Variants in ALG5 observed in about 807,000 individuals in gnomAD.
ALG5 encodes dolichyl-phosphate beta-glucosyltransferase.
Under a neutral mutation model 51.8 loss-of-function variants are expected in ALG5, and 26 were observed. The observed-to-expected ratio is 0.50, with a 90% CI of 0.37 to 0.70. ALG5 has a LOEUF of 0.70. ALG5 is among the 30% of genes least tolerant of loss of function. ALG5 has a pLI of 0.00. For synonymous variants in ALG5, 141 were observed against 136.1 expected (o/e 1.04, Z -0.25); for missense variants, 311 against 399.3 (o/e 0.78, Z 1.88).
intron 8 of ALG5, among the ~76,000 whole-genome samples, chr13:36,954,403 C>G (rs1031541067): frequency 9.9e-5 from 15 of 152,212 alleles, no homozygotes; most frequent in African/African-American, 3.1e-4. Flanking sequence ...TTATGTATCC[C>G]AGGTCTTGAA....
chr13:36,973,124 G>C (rs1368856578), intron 6 of ALG5, among the ~76,000 whole-genome samples: 1 of 145,874 alleles, frequency 6.9e-6, no homozygotes, highest in African/African-American at 2.5e-5. Context: ...TGTTAGTATA[G>C]TGGTGAGAAA....
At chr13:36,991,388 T>C (rs2059024740) in intron 4 of ALG5, among the ~76,000 whole-genome samples, 1 of 152,044 alleles carries the variant, frequency 6.6e-6, no homozygotes, top group African/African-American at 2.4e-5. Context: ...CAACTGTAAA[T>C]GTCAGCTACT....
At chr13:36,990,408 CTCTACTGTTCCCAAGTTT>C (rs1205897942) in intron 4 of ALG5, among the ~76,000 whole-genome samples, 1 of 152,200 alleles carries the variant, frequency 6.6e-6, no homozygotes, top group Non-Finnish European at 1.5e-5. Context: ...CTTTGCCCTC[CTCTACTGTTCCCAAGTTT>C]TCACCAATAA....
At chr13:36,978,933 G>A (rs568167151) in intron 6 of ALG5, among the ~76,000 whole-genome samples, 14 of 126,458 alleles carry the variant, frequency 1.1e-4, no homozygotes, top group African/African-American at 2.4e-4. Flanking sequence ...AAAAAAAAAA[G>A]GAAAAAAAAA....
At chr13:36,972,958 C>CAG (rs2058932706) in intron 6 of ALG5, among the ~76,000 whole-genome samples, 2 of 148,064 alleles carry the variant, frequency 1.4e-5, no homozygotes, top group Non-Finnish European at 3.0e-5. Context: ...CACCACTGTG[C>CAG]TCCAGCCTGG....
chr13:36,996,616 T>C (rs930158136), intron 1 of ALG5, among the ~76,000 whole-genome samples: 13 of 152,206 alleles, frequency 8.5e-5, no homozygotes, highest in Non-Finnish European at 1.9e-4. Context: ...TGAAAAATAC[T>C]GTAAATCATA....
At chr13:36,999,152 CGGA>C in intron 1 of ALG5, 80 bp downstream of exon 1, 1 of 1,289,236 alleles carries the variant, frequency 7.8e-7, no homozygotes, top group Non-Finnish European at 1.0e-6. Flanking sequence ...ACTGGTAGCG[CGGA>C]GGAGGGGACG....
chr13:36,995,390 C>T (rs763674504), intron 2 of ALG5, 35 bp downstream of exon 2: 14 of 1,577,622 alleles, frequency 8.9e-6, no homozygotes, highest in South Asian at 1.2e-5. Context: ...CTTTTCCAAA[C>T]TACCCTTTAC....
At chr13:36,995,674 T>A in intron 1 of ALG5, 78 bp from the exon 2 acceptor site, 10 of 1,326,706 alleles carry the variant, frequency 7.5e-6, no homozygotes, top group Non-Finnish European at 1.0e-5. Context: ...TTAGAATACA[T>A]CATCTACTTT....
chr13:36,967,666 T>A, intron 7 of ALG5: 1 of 448,640 alleles, frequency 2.2e-6, no homozygotes, highest in Non-Finnish European at 4.3e-6. Flanking sequence ...TGTAAATATG[T>A]CTTACCTCTC....
intron 6 of ALG5, among the ~76,000 whole-genome samples, chr13:36,974,721 C>T (rs943895610): frequency 2.0e-5 from 3 of 150,124 alleles, no homozygotes; most frequent in Non-Finnish European, 4.5e-5. Context: ...AGCCCCCCCA[C>T]CACCATCCCA....
intron 6 of ALG5, among the ~76,000 whole-genome samples, chr13:36,980,509 G>T (rs2138813123): frequency 6.6e-6 from 1 of 152,154 alleles, no homozygotes; most frequent in African/African-American, 2.4e-5. Context: ...TTACAGATGT[G>T]AGCCACTGTG....
In ALG5 at chr13:36,952,513, C is replaced by T; in HGVS notation, c.859+1G>A. The T allele has an allele frequency of 6.3e-7, 1 of 1,590,992 alleles. No individual in the cohort carries two copies. The highest frequency in any genetic ancestry group is 8.6e-7 in the Non-Finnish European group (1 of 1,168,044). Reference sequence around the variant, plus strand: ...AATCATACAATAAACAATATACTCACCTTCAATTTCTGTCCAGTTGACAGC... The same window carrying T: ...AATCATACAATAAACAATATACTCATCTTCAATTTCTGTCCAGTTGACAGC... On this transcript the variant is annotated splice_donor_variant, in intron 9 of 9. Transcript: ENST00000239891. LOFTEE classifies it high-confidence loss of function.
rs2059044826 is a variant in ALG5 at position 36,995,441 on chromosome 13, G to A, written c.222C>T (p.Tyr74=). 2 of 1,611,522 alleles carry A rather than the reference G, an allele frequency of 1.2e-6. No individual in the cohort carries two copies. Among genetic ancestry groups the A allele is most frequent in the South Asian group, 2.2e-5 (2 of 90,220 alleles). ...TKQLSVVVPS[Y]NEEKRLPVMM... is the part of the protein sequence containing the mutation. ...AGGGCTTACACCGTTTTTCTTCATT[G>A]TATGAAGGCACAACGACAGAAAGTT... Residue 74 remains tyrosine, a synonymous_variant, in exon 2 of 10, where the codon TAC becomes TAT. Transcript: ENST00000239891.
intron 6 of ALG5, among the ~76,000 whole-genome samples, chr13:36,975,691 A>G (rs1414529469): frequency 6.6e-6 from 1 of 152,206 alleles, no homozygotes; most frequent in African/African-American, 2.4e-5. Context: ...ATAGATGTAG[A>G]ATACTAAGTT....
intron 8 of ALG5, among the ~76,000 whole-genome samples, chr13:36,956,702 A>G (rs1234105162): frequency 6.6e-6 from 1 of 152,062 alleles, no homozygotes; most frequent in African/African-American, 2.4e-5. Flanking sequence ...TTTTCACTCT[A>G]ATACATCTTG....
rs777535492 is a variant in ALG5 at position 36,994,974 on chromosome 13, G to A, written c.285+15C>T. ...TTTAATTGGAGATATCATATTAAAAGAGAAAACATGATACCTGTCTCTTCT... is the reference window on the plus strand; with the variant it reads ...TTTAATTGGAGATATCATATTAAAAAAGAAAACATGATACCTGTCTCTTCT... On this transcript the variant is annotated intron_variant, in intron 3 of 9. Transcript: ENST00000239891. 2 of 1,608,732 alleles carry A rather than the reference G, an allele frequency of 1.2e-6. No individual in the cohort carries two copies. The highest frequency in any genetic ancestry group is 1.7e-6 in the Non-Finnish European group (2 of 1,176,498).
chr13:36,958,861 G>C (rs993853738), intron 8 of ALG5, among the ~76,000 whole-genome samples: 4 of 152,166 alleles, frequency 2.6e-5, no homozygotes, highest in African/African-American at 4.8e-5. Flanking sequence ...GAGAGCACAG[G>C]GGGAGGGACA....
intron 4 of ALG5, 140 bp from the exon 5 acceptor site, chr13:36,989,716 G>C (rs2059017300): frequency 1.6e-6 from 1 of 614,578 alleles, no homozygotes; most frequent in Admixed American, 2.9e-5. Context: ...TGTACATTCT[G>C]ATGACCTGGA....
Sources: allele counts gnomAD v4.1 joint callset (sites outside exome capture counted in the v4.1 genomes callset), GRCh38; gene constraint gnomAD v4.1.1; transcripts MANE v1.5; gene names NCBI Gene and HGNC (gene_info 2026-07-23, HGNC 2026-07-21).